The following GPC5 variants were observed in gnomAD, a reference collection of about 807,000 sequenced individuals.
The protein encoded by GPC5 is glypican 5.
Under a neutral mutation model 53.9 loss-of-function variants are expected in GPC5, and 47 were observed. The observed-to-expected ratio is 0.87, with a 90% confidence interval of 0.69 to 1.11. The LOEUF is 1.11. Among genes scored for constraint, GPC5 ranks in the 50% most tolerant of loss-of-function variants. The pLI, the probability that GPC5 is intolerant of heterozygous loss-of-function variation, is 0.00. For missense variants in GPC5, 748 were observed against 713.1 expected (o/e 1.05, Z -0.56); for synonymous variants, 286 against 263.3 (o/e 1.09, Z -0.84).
intron 7 of GPC5, among the ~76,000 whole-genome samples, chr13:92,498,138 AAAGGAACT>A (rs1331470014): frequency 6.6e-6 from 1 of 152,074 alleles, no homozygotes; most frequent in African/African-American, 2.4e-5. Flanking sequence ...GGCAGGAATG[AAAGGAACT>A]AAAGTACACT....
intron 7 of GPC5, among the ~76,000 whole-genome samples, chr13:92,725,127 T>G (rs1227866459): frequency 1.3e-5 from 2 of 151,754 alleles, no homozygotes; most frequent in South Asian, 2.1e-4. Context: ...AATTTGGTAT[T>G]TAGATACTGA....
At chr13:92,788,785 C>T (rs1263333109) in intron 7 of GPC5, among the ~76,000 whole-genome samples, 2 of 152,148 alleles carry the variant, frequency 1.3e-5, no homozygotes, top group African/African-American at 2.4e-5. Flanking sequence ...TAAAGTCATC[C>T]TGCTTTGATG....
intron 7 of GPC5, among the ~76,000 whole-genome samples, chr13:92,169,312 T>C (rs1443539705): frequency 1.3e-5 from 2 of 152,172 alleles, no homozygotes; most frequent in African/African-American, 2.4e-5. Flanking sequence ...AACCTGCACA[T>C]CCTGTACATG....
intron 6 of GPC5, among the ~76,000 whole-genome samples, chr13:91,992,065 C>G (rs1237359978): frequency 6.6e-6 from 1 of 151,996 alleles, no homozygotes; most frequent in African/African-American, 2.4e-5. Flanking sequence ...TGAGACAGGG[C>G]CTTGTTCCAT....
intron 7 of GPC5, among the ~76,000 whole-genome samples, chr13:92,390,848 T>C (rs1874969598): frequency 6.6e-6 from 1 of 152,180 alleles, no homozygotes; most frequent in African/African-American, 2.4e-5. Context: ...TATTTGTGTA[T>C]CAGAGTCTAT....
intron 7 of GPC5, among the ~76,000 whole-genome samples, chr13:92,855,983 G>A (rs75167901): frequency 0.039 from 5,859 of 152,118 alleles, 467 homozygotes; most frequent in East Asian, 0.32. Flanking sequence ...AAGTAAGGAA[G>A]AATGACTCCT....
chr13:92,331,717 G>A (rs1456479864), intron 7 of GPC5, among the ~76,000 whole-genome samples: 2 of 150,988 alleles, frequency 1.3e-5, no homozygotes, highest in Non-Finnish European at 2.9e-5. Context: ...GCTGAATATC[G>A]GTTTTACTTC....
intron 5 of GPC5, among the ~76,000 whole-genome samples, chr13:91,792,190 C>A (rs1566264218): frequency 6.6e-6 from 1 of 152,194 alleles, no homozygotes; most frequent in Non-Finnish European, 1.5e-5. Context: ...CTGTGAAACT[C>A]TTGGTTACAG....
chr13:91,530,370 C>T (rs1167316924), intron 2 of GPC5, among the ~76,000 whole-genome samples: 2 of 152,158 alleles, frequency 1.3e-5, no homozygotes, highest in Non-Finnish European at 2.9e-5. Context: ...ATAATTTACA[C>T]CATGACCAGC....
At chr13:92,468,679 A>G (rs1236852253) in intron 7 of GPC5, among the ~76,000 whole-genome samples, 1 of 152,156 alleles carries the variant, frequency 6.6e-6, no homozygotes, top group African/African-American at 2.4e-5. Flanking sequence ...TGAAACACAC[A>G]CAAACACACA....
chr13:91,976,797 T>C (rs1326233890), intron 6 of GPC5, among the ~76,000 whole-genome samples: 2 of 152,228 alleles, frequency 1.3e-5, no homozygotes, highest in East Asian at 3.9e-4. Flanking sequence ...CCCAGCACTT[T>C]GGGAGGCTGT....
chr13:92,729,096 T>C (rs1319949012), intron 7 of GPC5, among the ~76,000 whole-genome samples: 2 of 151,256 alleles, frequency 1.3e-5, no homozygotes, highest in Admixed American at 6.6e-5. Context: ...ACACATTTTT[T>C]CCCCTATTCT....
chr13:92,761,625 CT>C (rs1875179100), intron 7 of GPC5, among the ~76,000 whole-genome samples: 1 of 152,116 alleles, frequency 6.6e-6, no homozygotes, highest in African/African-American at 2.4e-5. Context: ...TAAAGTAGGT[CT>C]CTTGTAGCAG....
chr13:92,022,340 C>T (rs1261325492), intron 6 of GPC5, among the ~76,000 whole-genome samples: 4 of 152,012 alleles, frequency 2.6e-5, no homozygotes, highest in Non-Finnish European at 5.9e-5. Context: ...GGGGGAGATT[C>T]TTGAAGCCGG....
chr13:92,124,072 A>G (rs1481731611), intron 6 of GPC5, among the ~76,000 whole-genome samples: 1 of 151,832 alleles, frequency 6.6e-6, no homozygotes, highest in Non-Finnish European at 1.5e-5. Flanking sequence ...TCGAAATCTC[A>G]AAGGTACATA....
intron 1 of GPC5, among the ~76,000 whole-genome samples, chr13:91,403,335 G>A (rs1188667414): frequency 6.6e-6 from 1 of 152,210 alleles, no homozygotes; most frequent in African/African-American, 2.4e-5. Flanking sequence ...GAGTTTGGTA[G>A]TAGGTAGTTG....
intron 4 of GPC5, among the ~76,000 whole-genome samples, chr13:91,749,681 A>C (rs1011616332): frequency 2.0e-5 from 3 of 152,222 alleles, no homozygotes; most frequent in Non-Finnish European, 2.9e-5. Context: ...TTTTCCATAG[A>C]AGTTGATTTA....
chr13:92,323,860 C>A (rs2043232536), intron 7 of GPC5, among the ~76,000 whole-genome samples: 1 of 151,782 alleles, frequency 6.6e-6, no homozygotes, highest in African/African-American at 2.4e-5. Context: ...AAACAGGAAT[C>A]CATTAGTTAT....
intron 6 of GPC5, among the ~76,000 whole-genome samples, chr13:92,133,264 T>G (rs893380201): frequency 6.6e-6 from 1 of 152,176 alleles, no homozygotes; most frequent in African/African-American, 2.4e-5. Context: ...GGGAATTTCA[T>G]TTTAAAGGTG....
Sources: gnomAD v4.1 joint callset for allele counts (sites outside exome capture counted in the v4.1 genomes callset) on GRCh38, gnomAD v4.1.1 for gene constraint, MANE v1.5 for transcripts, NCBI Gene and HGNC (gene_info 2026-07-23, HGNC 2026-07-21) for gene names.